Variants in TRAPPC9 observed in about 807,000 individuals in gnomAD.
The protein encoded by TRAPPC9 is trafficking protein particle complex subunit 9.
A neutral mutation model predicts 124.0 loss-of-function variants in TRAPPC9; 83 were observed. That is an observed-to-expected ratio of 0.67 (90% CI 0.56 to 0.80). The LOEUF (loss-of-function observed/expected upper bound fraction) is 0.80. TRAPPC9 is among the 30% of genes least tolerant of loss of function. The probability of loss-of-function intolerance (pLI) is 0.00; values close to 1 mark genes in which losing one functional copy is unlikely to be tolerated. For missense variants in TRAPPC9, 1,302 were observed against 1,508.3 expected (o/e 0.86, Z 2.27); for synonymous variants, 638 against 617.5 (o/e 1.03, Z -0.49).
At chr8:140,024,199 C>T (rs1174310303) in intron 17 of TRAPPC9, 120 bp from the exon 18 acceptor site, 49 of 1,285,524 alleles carry the variant, frequency 3.8e-5, no homozygotes, top group African/African-American at 1.2e-4. Context: ...CTAGTCAAGT[C>T]ATCAGCATTG....
intron 17 of TRAPPC9, among the ~76,000 whole-genome samples, chr8:140,155,831 G>T (rs1328612042): frequency 6.6e-6 from 1 of 152,184 alleles, no homozygotes; most frequent in Non-Finnish European, 1.5e-5. Flanking sequence ...ACAAAACAAA[G>T]ATATCATCTC....
intron 19 of TRAPPC9, among the ~76,000 whole-genome samples, chr8:139,949,188 A>C (rs1003522445): frequency 1.3e-5 from 2 of 152,124 alleles, no homozygotes; most frequent in African/African-American, 4.8e-5. Context: ...GAATAAGAAA[A>C]CCTGATTTCA....
intron 17 of TRAPPC9, chr8:140,099,247 C>T (rs538306174): frequency 6.6e-6 from 1 of 151,238 alleles, no homozygotes; most frequent in African/African-American, 2.4e-5. Flanking sequence ...CCGCAGTCCG[C>T]AGGGTACTGA....
intron 10 of TRAPPC9, among the ~76,000 whole-genome samples, chr8:140,306,835 A>C (rs934817240): frequency 2.0e-5 from 3 of 152,186 alleles, no homozygotes; most frequent in African/African-American, 7.2e-5. Flanking sequence ...ATATTCATCA[A>C]TGCATTATCT....
At chr8:140,197,672 A>G (rs1452148087) in intron 17 of TRAPPC9, among the ~76,000 whole-genome samples, 1 of 152,100 alleles carries the variant, frequency 6.6e-6, no homozygotes, top group Non-Finnish European at 1.5e-5. Flanking sequence ...ACCCTTAGGG[A>G]TATTTCATTT....
chr8:140,164,456 T>C (rs954522077), intron 17 of TRAPPC9, among the ~76,000 whole-genome samples: 1 of 152,250 alleles, frequency 6.6e-6, no homozygotes, highest in African/African-American at 2.4e-5. Flanking sequence ...TTCTTCCTTC[T>C]TCCTCTTCAG....
At chr8:140,352,315 G>C (rs1197560699) in intron 9 of TRAPPC9, among the ~76,000 whole-genome samples, 1 of 152,156 alleles carries the variant, frequency 6.6e-6, no homozygotes, top group East Asian at 1.9e-4. Flanking sequence ...TAAGACTTTT[G>C]GTTTCTTGTA....
At position 139,757,244 on chromosome 8, in the gene TRAPPC9, C is replaced by T. The variant is rs558744237; in HGVS notation, c.3056-25042G>A. Among the ~76,000 whole-genome samples, 12 of 139,830 alleles carry T rather than the reference C, an allele frequency of 8.6e-5. No individual in the cohort carries two copies. The East Asian group carries it at 2.4e-3, about 28-fold the overall frequency. 91.7% of individuals were successfully genotyped at this position (139,830 alleles called of 152,430 possible). A position where few individuals can be genotyped will look rare whatever the true frequency, so the allele number is the denominator to read the frequency against. On this transcript the variant is annotated intron_variant, in intron 21 of 22. Transcript: ENST00000438773. ...GAGGACAGCATGTCGCAGGAGGAGCCAGGGATGGGGTATAAGGACAGCAGG... is the reference window on the plus strand; with the variant it reads ...GAGGACAGCATGTCGCAGGAGGAGCTAGGGATGGGGTATAAGGACAGCAGG...
chr8:139,963,749 C>CAAAAAAAAAAAAAA (rs58224556), intron 19 of TRAPPC9, among the ~76,000 whole-genome samples: 1 of 107,372 alleles, frequency 9.3e-6, no homozygotes, highest in East Asian at 3.0e-4. Flanking sequence ...CCAGTTCTAC[C>CAAAAAAAAAAAAAA]AAAAAAAAAA....
At chr8:139,976,137 C>A (rs374618459) in intron 19 of TRAPPC9, among the ~76,000 whole-genome samples, 1 of 151,882 alleles carries the variant, frequency 6.6e-6, no homozygotes, top group African/African-American at 2.4e-5. Flanking sequence ...GTGATCCGCT[C>A]GCCTCAGCCT....
chr8:140,289,699 G>A (rs1292844179), intron 12 of TRAPPC9, among the ~76,000 whole-genome samples: 1 of 151,838 alleles, frequency 6.6e-6, no homozygotes, highest in Non-Finnish European at 1.5e-5. Context: ...AAAAAAATGT[G>A]TAAGAAAGAG....
At chr8:140,358,628 G>A (rs1472011011) in intron 9 of TRAPPC9, among the ~76,000 whole-genome samples, 1 of 152,258 alleles carries the variant, frequency 6.6e-6, no homozygotes, top group African/African-American at 2.4e-5. Flanking sequence ...GAGGGCTGGA[G>A]AGAAAGATGT....
At chr8:140,090,660 C>T (rs1844507762) in intron 17 of TRAPPC9, among the ~76,000 whole-genome samples, 3 of 152,322 alleles carry the variant, frequency 2.0e-5, no homozygotes, top group Middle Eastern at 3.4e-3. Context: ...CCCTGAAAAT[C>T]GCCATCCCCC....
intron 17 of TRAPPC9, among the ~76,000 whole-genome samples, chr8:140,209,066 T>C (rs2062994812): frequency 6.6e-6 from 1 of 152,170 alleles, no homozygotes; most frequent in South Asian, 2.1e-4. Flanking sequence ...CAGTGTTTGT[T>C]GCTCAGCACA....
chr8:140,389,633 G>A (rs1588267205), intron 7 of TRAPPC9, among the ~76,000 whole-genome samples: 1 of 152,144 alleles, frequency 6.6e-6, no homozygotes, highest in East Asian at 1.9e-4. Context: ...TCTAGAATCT[G>A]CATGCATTAC....
At chr8:140,067,397 C>T (rs1433265695) in intron 17 of TRAPPC9, among the ~76,000 whole-genome samples, 2 of 152,164 alleles carry the variant, frequency 1.3e-5, no homozygotes, top group Non-Finnish European at 2.9e-5. Flanking sequence ...TCTGCCTCGG[C>T]CTCCCAAAGT....
At chr8:139,893,202 C>G (rs1264891329) in intron 20 of TRAPPC9, among the ~76,000 whole-genome samples, 1 of 152,228 alleles carries the variant, frequency 6.6e-6, no homozygotes, top group African/African-American at 2.4e-5. Flanking sequence ...GGGCTCCATG[C>G]TAACTGTCCA....
At chr8:139,796,085 A>AAGGAGGAGGAAG (rs1286501453) in intron 21 of TRAPPC9, among the ~76,000 whole-genome samples, 27 of 106,564 alleles carry the variant, frequency 2.5e-4, no homozygotes, top group Admixed American at 1.4e-3. Context: ...GGAAGAGGAG[A>AAGGAGGAGGAAG]AGGAGGAGGA....
chr8:140,374,700 TGGGGCAGAGAAG>T (rs780115749), intron 7 of TRAPPC9, among the ~76,000 whole-genome samples: 29 of 152,138 alleles, frequency 1.9e-4, no homozygotes, highest in Non-Finnish European at 1.6e-4. Context: ...TCAAAGATGT[TGGGGCAGAGAAG>T]GGGGCAGAGA....
Sources: gnomAD v4.1 joint callset for allele counts (sites outside exome capture counted in the v4.1 genomes callset) on GRCh38, gnomAD v4.1.1 for gene constraint, MANE v1.5 for transcripts, NCBI Gene and HGNC (gene_info 2026-07-23, HGNC 2026-07-21) for gene names.